The following PTPRO variants were observed in gnomAD, a reference collection of about 807,000 sequenced individuals.
The protein encoded by PTPRO is protein tyrosine phosphatase receptor type O.
PTPRO carries 62 observed loss-of-function variants against 145.2 expected under a neutral mutation model. That is an observed-to-expected ratio of 0.43 (90% CI 0.35 to 0.53). The LOEUF (loss-of-function observed/expected upper bound fraction) is 0.53, where lower values mean the gene tolerates loss of function less well. PTPRO is among the 20% of genes least tolerant of loss of function. The pLI is 0.01. For synonymous variants in PTPRO, 565 were observed against 514.7 expected (o/e 1.10, Z -1.32); for missense variants, 1,345 against 1,482.7 (o/e 0.91, Z 1.53).
rs1278546469 is a variant in PTPRO at position 15,508,770 on chromosome 12, A to G, written c.1464+3A>G. The stretch of plus-strand genomic sequence containing the variant: ...TTGAAAAGCAGTACTGCACTCAGGT[A>G]AAGGAGAGGAAATGAGAATGGGCTC... On this transcript the variant is annotated splice_donor_region_variant and intron_variant, in intron 7 of 26. Coordinates refer to ENST00000281171, the MANE Select transcript of PTPRO (RefSeq NM_030667.3). 3 of 1,613,786 alleles carry G rather than the reference A, an allele frequency of 1.9e-6. No individual in the cohort carries two copies. Among genetic ancestry groups the G allele is most frequent in the South Asian group, 2.2e-5 (2 of 91,068 alleles).
In PTPRO at chr12:15,566,551, C is replaced by T. The variant is rs182441731; in HGVS notation, c.2747+923C>T. 5.9e-5 allele frequency among the ~76,000 whole-genome samples: 9 copies of T among 151,856 alleles called. 1 individual carries two copies. The East Asian group carries it at 1.2e-3, about 20-fold the overall frequency. On this transcript the variant is annotated intron_variant, in intron 18 of 26. Coordinates refer to ENST00000281171, the MANE Select transcript of PTPRO (RefSeq NM_030667.3). ...ATTTTATTTTTTGGAGATGAAGTCT[C>T]GCTCTGTCACCCAGGCTGGAGTGCA...
At chr12:15,435,165 G>T (rs957733397) in intron 1 of PTPRO, among the ~76,000 whole-genome samples, 1 of 152,106 alleles carries the variant, frequency 6.6e-6, no homozygotes, top group Non-Finnish European at 1.5e-5. Flanking sequence ...CTGGTATAGG[G>T]TAATAGACTT....
chr12:15,349,090 T>C (rs1029601202), intron 1 of PTPRO, among the ~76,000 whole-genome samples: 2 of 152,198 alleles, frequency 1.3e-5, no homozygotes, highest in African/African-American at 4.8e-5. Flanking sequence ...GAACAAGTAA[T>C]ACCGATACAG....
intron 24 of PTPRO, among the ~76,000 whole-genome samples, chr12:15,588,431 C>T (rs1372803824): frequency 6.6e-6 from 1 of 152,198 alleles, no homozygotes; most frequent in Non-Finnish European, 1.5e-5. Context: ...AAAGGGCTGA[C>T]TTCAACACAT....
At chr12:15,594,817 T>G (rs1944624901) in intron 25 of PTPRO, 120 bp from the exon 26 acceptor site, 1 of 722,850 alleles carries the variant, frequency 1.4e-6, no homozygotes, top group Admixed American at 2.0e-5. Flanking sequence ...ACTGTGTCTC[T>G]GTAAATAATG....
intron 1 of PTPRO, among the ~76,000 whole-genome samples, chr12:15,451,560 A>G (rs1941046660): frequency 6.6e-6 from 1 of 152,212 alleles, no homozygotes; most frequent in Non-Finnish European, 1.5e-5. Flanking sequence ...TCATCAGCAC[A>G]TGGAACATTC....
intron 9 of PTPRO, among the ~76,000 whole-genome samples, 163 bp from the exon 10 acceptor site, chr12:15,520,038 C>A (rs1942681934): frequency 6.6e-6 from 1 of 152,038 alleles, no homozygotes; most frequent in Non-Finnish European, 1.5e-5. Context: ...TGTCTCATTT[C>A]ATTCTAGAAA....
In PTPRO at chr12:15,551,654, G is replaced by T. The variant is rs1264429945; in HGVS notation, c.2541G>T (p.Lys847Asn). 1 of 1,613,500 alleles carries T rather than the reference G, an allele frequency of 6.2e-7. No homozygotes were observed. Among genetic ancestry groups the T allele is most frequent in the South Asian group, 1.1e-5 (1 of 91,060 alleles). ...TTACCCTCATTATTCTTAGGAAAAA[G>T]CATCTGCAGATGGCTAGGTAAGTTA... ...LLVTLIILRK[K>N]HLQMARECGA... The change falls in exon 15 of 27, where the codon AAG becomes AAT. Residue 847 changes from lysine to asparagine, a missense_variant. This residue lies in a region of PTPRO where 1,130 missense variants were observed against 1,214.7 expected (regional missense o/e 0.93). Transcript: ENST00000281171.
At chr12:15,467,620 T>C (rs1941446756) in intron 1 of PTPRO, among the ~76,000 whole-genome samples, 1 of 152,170 alleles carries the variant, frequency 6.6e-6, no homozygotes, top group Admixed American at 6.5e-5. Flanking sequence ...TTAGCCATAC[T>C]CTAACCAGAG....
At chr12:15,486,061 T>G (rs1251311331) in intron 2 of PTPRO, among the ~76,000 whole-genome samples, 1 of 152,182 alleles carries the variant, frequency 6.6e-6, no homozygotes, top group Non-Finnish European at 1.5e-5. Context: ...CCAGGTCACG[T>G]TGATTGTTCA....
chr12:15,581,547 G>A, intron 22 of PTPRO, 132 bp from the exon 23 acceptor site: 2 of 1,003,352 alleles, frequency 2.0e-6, no homozygotes, highest in Admixed American at 2.0e-5. Flanking sequence ...GAAATGGTTT[G>A]CTTTATGTTT....
At chr12:15,469,669 G>T (rs531018842) in intron 1 of PTPRO, among the ~76,000 whole-genome samples, 7 of 150,168 alleles carry the variant, frequency 4.7e-5, no homozygotes, top group Non-Finnish European at 8.8e-5. Context: ...GCTCTTGTTC[G>T]TGATGCCACA....
intron 6 of PTPRO, among the ~76,000 whole-genome samples, chr12:15,505,415 T>C (rs186690283): frequency 6.6e-6 from 1 of 152,248 alleles, no homozygotes; most frequent in Non-Finnish European, 1.5e-5. Context: ...ACCACTTATA[T>C]CTTTCATGCA....
At chr12:15,478,844 T>C (rs532497599) in intron 1 of PTPRO, among the ~76,000 whole-genome samples, 1 of 152,220 alleles carries the variant, frequency 6.6e-6, no homozygotes, top group South Asian at 2.1e-4. Flanking sequence ...GGTAATTTTT[T>C]GTATTTTTAG....
intron 1 of PTPRO, among the ~76,000 whole-genome samples, chr12:15,357,461 G>C (rs1938032407): frequency 1.3e-5 from 2 of 152,112 alleles, no homozygotes; most frequent in Non-Finnish European, 2.9e-5. Flanking sequence ...GGTTTTCTCT[G>C]TGTAAAGGAA....
rs1378301466 is a variant in PTPRO, at chr12:15,322,888, G to T, written c.75+87G>T. 7.2e-7 allele frequency: 1 copy of T among 1,387,678 alleles called. No homozygotes were observed. The highest frequency in any genetic ancestry group is 1.2e-5 in the South Asian group (1 of 80,236). 86.0% of individuals were successfully genotyped at this position (1,387,678 alleles called of 1,614,324 possible). On this transcript the variant is annotated intron_variant, in intron 1 of 26. Transcript: ENST00000281171. The surrounding 1 kb of genome is among the most constrained non-coding windows in gnomAD (Gnocchi z 6.3). Reference sequence around the variant, plus strand: ...CTCGCTCTGCCGTTGGGAGCGGCGCGCCCCAGGGCACGATGGCCCAGCCGC... The same window carrying T: ...CTCGCTCTGCCGTTGGGAGCGGCGCTCCCCAGGGCACGATGGCCCAGCCGC...
intron 1 of PTPRO, among the ~76,000 whole-genome samples, chr12:15,364,803 T>G (rs756343261): frequency 1.3e-5 from 2 of 152,168 alleles, no homozygotes; most frequent in Non-Finnish European, 2.9e-5. Context: ...AGTACATATT[T>G]ATAAAGCACT....
chr12:15,409,336 C>T (rs956396636), intron 1 of PTPRO, among the ~76,000 whole-genome samples: 2 of 152,120 alleles, frequency 1.3e-5, no homozygotes, highest in Admixed American at 6.5e-5. Context: ...TGCTGAGAAA[C>T]GTGGGTTTAT....
intron 1 of PTPRO, among the ~76,000 whole-genome samples, chr12:15,371,957 T>C (rs554662377): frequency 2.0e-5 from 3 of 152,232 alleles, no homozygotes; most frequent in African/African-American, 7.2e-5. Context: ...CCAGTCATGC[T>C]GAACTGTGAG....
Sources: allele counts gnomAD v4.1 joint callset (sites outside exome capture counted in the v4.1 genomes callset), GRCh38; gene constraint gnomAD v4.1.1; regional missense constraint gnomAD v4.1.1; non-coding constraint Gnocchi (gnomAD v3.1); transcripts MANE v1.5; gene names NCBI Gene and HGNC (gene_info 2026-07-23, HGNC 2026-07-21).